Variants in NSD2 observed in about 807,000 individuals in gnomAD.
The protein encoded by NSD2 is histone-lysine N-methyltransferase NSD2.
In NSD2, 12 loss-of-function variants were observed where a neutral mutation model predicts 139.0. The ratio of observed to expected loss-of-function variants is 0.09; its 90% CI spans 0.06 to 0.14. The LOEUF is 0.14. NSD2 is among the 10% of genes least tolerant of loss of function. The probability of loss-of-function intolerance (pLI) is 1.00; values close to 1 mark genes in which losing one functional copy is unlikely to be tolerated. For synonymous variants in NSD2, 669 were observed against 648.7 expected (o/e 1.03, Z -0.48); for missense variants, 1,155 against 1,745.0 (o/e 0.66, Z 6.02).
chr4:1,959,658 C>G lies in NSD2; in HGVS notation c.3173C>G (p.Thr1058Ser). The G allele has an allele frequency of 6.2e-7, 1 of 1,614,110 alleles. No homozygotes were observed. The highest frequency in any genetic ancestry group is 8.5e-7 in the Non-Finnish European group (1 of 1,180,010). The change falls in exon 17 of 22, where the codon ACC (threonine) becomes AGC (serine). Residue 1058 changes from threonine (T) to serine (S), a missense_variant. This residue lies in a region of NSD2 where 139 missense variants were observed against 485.8 expected (regional missense o/e 0.29). Coordinates refer to ENST00000508803, the MANE Select transcript of NSD2 (RefSeq NM_001042424.3). ...GAGTTCTGCCAGAACCAGTGCTTCA[C>G]CAAGCGCCAGTACCCAGAGACCAAG... The part of the protein sequence containing the change: ...AGEFCQNQCF[T>S]KRQYPETKII...
chr4:1,916,857 A>G lies in NSD2; in HGVS notation c.761-14A>G, dbSNP rs746664003. On this transcript the variant is annotated splice_polypyrimidine_tract_variant and intron_variant, in intron 3 of 21. Coordinates refer to ENST00000508803, the MANE Select transcript of NSD2 (RefSeq NM_001042424.3). ...TCTAACTTTCATTCTCTAACATTTTATTTTAAAAACTAGGTCAGAAAAAGA... is the reference window on the plus strand; with the variant it reads ...TCTAACTTTCATTCTCTAACATTTTGTTTTAAAAACTAGGTCAGAAAAAGA... 4 of 1,586,250 alleles carry G rather than the reference A, an allele frequency of 2.5e-6. No homozygotes were observed. Among genetic ancestry groups the G allele is most frequent in the Non-Finnish European group, 3.4e-6 (4 of 1,168,894 alleles).
intron 9 of NSD2, chr4:1,944,709 ACTGAT>A (rs1184780783): frequency 9.4e-7 from 1 of 1,064,686 alleles, no homozygotes; most frequent in Non-Finnish European, 1.1e-6. Flanking sequence ...TTTTTCTAAG[ACTGAT>A]CTGAGAGCCA....
intron 6 of NSD2, among the ~76,000 whole-genome samples, chr4:1,932,824 G>A (rs1311587763): frequency 6.6e-6 from 1 of 152,202 alleles, no homozygotes; most frequent in Non-Finnish European, 1.5e-5. Flanking sequence ...GCCTCATCCT[G>A]GATGAATGGA....
At chr4:1,916,027 A>G (rs1445396845) in intron 3 of NSD2, among the ~76,000 whole-genome samples, 1 of 151,990 alleles carries the variant, frequency 6.6e-6, no homozygotes, top group African/African-American at 2.4e-5. Context: ...CCCTGGCTGC[A>G]CTGTGGGACG....
At chr4:1,885,835 C>T (rs1213038518) in intron 1 of NSD2, among the ~76,000 whole-genome samples, 4 of 151,944 alleles carry the variant, frequency 2.6e-5, no homozygotes, top group Non-Finnish European at 4.4e-5. Flanking sequence ...GTTCCAGGCG[C>T]AGGAATGATA....
intron 1 of NSD2, among the ~76,000 whole-genome samples, chr4:1,886,075 TC>T: frequency 6.6e-6 from 1 of 152,366 alleles, no homozygotes; most frequent in Middle Eastern, 3.4e-3. Context: ...GCTTATCTTT[TC>T]CTTTACGAAA....
At chr4:1,947,955 G>A (rs1165694440) in intron 9 of NSD2, 1 of 1,056,800 alleles carries the variant, frequency 9.5e-7, no homozygotes, top group East Asian at 5.3e-5. Context: ...TCACCCTGAA[G>A]GGCCACGTGC....
At position 1,955,469 on chromosome 4, in the gene NSD2, A is replaced by G; in HGVS notation, c.2518+129A>G. ...CAGTGTTCTGTGCGTCTTCACGTTA[A>G]TAGTATATCACAGTAGCTCTAAATT... On this transcript the variant is annotated intron_variant, in intron 13 of 21. Coordinates refer to ENST00000508803, the MANE Select transcript of NSD2 (RefSeq NM_001042424.3). The surrounding 1 kb of genome is among the most constrained non-coding windows in gnomAD (Gnocchi z 4.7). 7.8e-7 allele frequency: 1 copy of G among 1,289,964 alleles called. No individual in the cohort carries two copies. Among genetic ancestry groups the G allele is most frequent in the Non-Finnish European group, 1.0e-6 (1 of 963,068 alleles). 79.9% of individuals were successfully genotyped at this position (1,289,964 alleles called of 1,614,324 possible).
chr4:1,918,319 C>T lies in NSD2; in HGVS notation c.1106C>T (p.Ser369Phe). Residue 369 changes from serine (S) to phenylalanine (F), a missense_variant, in exon 5 of 22, where the codon TCT (serine) becomes TTT (phenylalanine). Physicochemically the swap from Ser to Phe is radical, Grantham distance 155. Transcript: ENST00000508803. ...AAGGAGGCTGGCATTGCTGCAGAGT[C>T]TTTGGGAGAAATGGCAGAATCCTCA... Reference protein sequence around the residue: ...VAKEAGIAAESLGEMAESSGV... With the variant: ...VAKEAGIAAEFLGEMAESSGV... 1 of 1,614,062 alleles carries T rather than the reference C, an allele frequency of 6.2e-7. No homozygotes were observed. Among genetic ancestry groups the T allele is most frequent in the Non-Finnish European group, 8.5e-7 (1 of 1,180,026 alleles).
chr4:1,892,323 A>G (rs1715639255), intron 1 of NSD2: 1 of 152,066 alleles, frequency 6.6e-6, no homozygotes. Flanking sequence ...GTTGTTGTCC[A>G]TAGCCTTCCC....
intron 5 of NSD2, among the ~76,000 whole-genome samples, chr4:1,929,689 A>T (rs2108851930): frequency 6.6e-6 from 1 of 152,266 alleles, no homozygotes; most frequent in Non-Finnish European, 1.5e-5. Flanking sequence ...AAATATTATG[A>T]TGTTTTTCAG....
At chr4:1,871,992 G>C (rs956117352) in intron 1 of NSD2, among the ~76,000 whole-genome samples, 1 of 150,580 alleles carries the variant, frequency 6.6e-6, no homozygotes, top group Non-Finnish European at 1.5e-5. Flanking sequence ...GCCGGCCTTT[G>C]TGCGGCGCCC....
intron 20 of NSD2, chr4:1,975,728 G>A (rs1727003825): frequency 7.0e-6 from 2 of 284,764 alleles, no homozygotes; most frequent in Admixed American, 4.7e-5. Context: ...CCTGGTGGCG[G>A]CCACAGTCCT....
chr4:1,971,766 A>T (rs1317304605), intron 18 of NSD2, among the ~76,000 whole-genome samples: 1 of 152,222 alleles, frequency 6.6e-6, no homozygotes, highest in Non-Finnish European at 1.5e-5. Flanking sequence ...CCAGGACTGC[A>T]AGGAGGGCTT....
In NSD2 at chr4:1,951,157, A is replaced by G; in HGVS notation, c.1967A>G (p.Lys656Arg). ...ETQTEVSVSSKKSERGVTAKK... is the reference protein window; with the variant it reads ...ETQTEVSVSSRKSERGVTAKK... ...CAAACTGAAGTATCTGTCTCATCCA[A>G]AAAGTCTGAGCGAGGAGTGACTGCC... Residue 656 changes from lysine (K) to arginine (R), a missense_variant, in exon 10 of 22, where the codon AAA becomes AGA. Physicochemically the swap from Lys to Arg is conservative, Grantham distance 26 (BLOSUM62 2). Transcript: ENST00000508803. 6.2e-7 allele frequency: 1 copy of G among 1,614,234 alleles called. No homozygotes were observed. The highest frequency in any genetic ancestry group is 8.5e-7 in the Non-Finnish European group (1 of 1,180,024).
chr4:1,893,697 A>G (rs1715854708), intron 1 of NSD2: 1 of 152,110 alleles, frequency 6.6e-6, no homozygotes, highest in South Asian at 2.1e-4. Context: ...GATTATGGGC[A>G]TGCACCCAGC....
rs1251463116 is a variant in NSD2 at position 1,972,417 on chromosome 4, C to A, written c.3373-2446C>A. On this transcript the variant is annotated intron_variant, in intron 18 of 21. Transcript: ENST00000508803. This position sits in a 1 kb window ranked among gnomAD's most constrained non-coding sequence, Gnocchi z 4.0. ...ATACCTGGACAGGCAATTTCAAAGTCCATGTAGAAGGAAAGATCTGCAGGT... is the reference window on the plus strand; with the variant it reads ...ATACCTGGACAGGCAATTTCAAAGTACATGTAGAAGGAAAGATCTGCAGGT... Among the ~76,000 whole-genome samples, 1 of 152,184 alleles carries A rather than the reference C, an allele frequency of 6.6e-6. No homozygotes were observed. Among genetic ancestry groups the A allele is most frequent in the Non-Finnish European group, 1.5e-5 (1 of 68,048 alleles).
intron 8 of NSD2, among the ~76,000 whole-genome samples, chr4:1,938,736 A>G (rs1722758599): frequency 6.6e-6 from 1 of 152,124 alleles, no homozygotes; most frequent in African/African-American, 2.4e-5. Flanking sequence ...TGTGTATGTT[A>G]TTTTGAAGGG....
Position 1,974,979 on chromosome 4 carries a change from G to C in NSD2, c.3489G>C (p.Leu1163=), listed in dbSNP as rs747140498. Residue 1163 remains leucine (L), a synonymous_variant, in exon 19 of 22, where the codon CTG becomes CTC. Transcript: ENST00000508803. This position sits in a 1 kb window ranked among gnomAD's most constrained non-coding sequence, Gnocchi z 4.0. ...WTVNGDTRVG[L]FAVCDIPAGT... is the part of the protein sequence containing the mutation. ...TGAATGGGGACACTCGTGTGGGCCT[G>C]TTTGCCGTCTGTGACATTCCTGCAG... The C allele has an allele frequency of 3.1e-6, 5 of 1,614,048 alleles. No individual in the cohort carries two copies. In the East Asian group the frequency reaches 8.9e-5, roughly 29 times the overall value.
Sources: allele counts gnomAD v4.1 joint callset (sites outside exome capture counted in the v4.1 genomes callset), GRCh38; gene constraint gnomAD v4.1.1; regional missense constraint gnomAD v4.1.1; non-coding constraint Gnocchi (gnomAD v3.1); transcripts MANE v1.5; gene names NCBI Gene and HGNC (gene_info 2026-07-23, HGNC 2026-07-21).